Variants in MAN2A1 observed in about 807,000 individuals in gnomAD.
MAN2A1 encodes alpha-mannosidase 2.
A neutral mutation model predicts 142.6 loss-of-function variants in MAN2A1; 76 were observed. The ratio of observed to expected loss-of-function variants is 0.53; its 90% confidence interval spans 0.44 to 0.65. MAN2A1 has a LOEUF of 0.65. MAN2A1 is among the 30% of genes least tolerant of loss of function. The probability of loss-of-function intolerance (pLI) is 0.00; values close to 1 mark genes in which losing one functional copy is unlikely to be tolerated. For synonymous variants in MAN2A1, 559 were observed against 473.2 expected, an observed-to-expected ratio of 1.18 and a Z score of -2.35; for missense variants, 1,311 against 1,365.1, an observed-to-expected ratio of 0.96 and a Z score of 0.62.
chr5:109,735,032 C>A (rs1266921841), intron 4 of MAN2A1, among the ~76,000 whole-genome samples: 1 of 152,162 alleles, frequency 6.6e-6, no homozygotes, highest in Non-Finnish European at 1.5e-5. Flanking sequence ...TCACTCATGA[C>A]TTGCTTTGTG....
At chr5:109,814,081 C>T (rs544921068) in intron 12 of MAN2A1, among the ~76,000 whole-genome samples, 1 of 152,074 alleles carries the variant, frequency 6.6e-6, no homozygotes, top group Non-Finnish European at 1.5e-5. Context: ...CTGGACGTGA[C>T]TTGGTGACAG....
At chr5:109,841,176 T>G (rs1179568296) in intron 16 of MAN2A1, among the ~76,000 whole-genome samples, 3 of 152,156 alleles carry the variant, frequency 2.0e-5, no homozygotes, top group African/African-American at 7.2e-5. Flanking sequence ...GTTATTGGGG[T>G]ACAGGTGGTA....
chr5:109,799,752 C>T (rs1753964948), intron 12 of MAN2A1, among the ~76,000 whole-genome samples: 1 of 136,736 alleles, frequency 7.3e-6, no homozygotes, highest in African/African-American at 2.6e-5. Flanking sequence ...AAAACTCCGT[C>T]TCAAAAAAAA....
At chr5:109,801,685 C>T (rs1754036154) in intron 12 of MAN2A1, among the ~76,000 whole-genome samples, 1 of 152,078 alleles carries the variant, frequency 6.6e-6, no homozygotes, top group Non-Finnish European at 1.5e-5. Flanking sequence ...TCTGAATACT[C>T]TAGGAGCAGG....
At chr5:109,828,749 A>G (rs1182909342) in intron 16 of MAN2A1, among the ~76,000 whole-genome samples, 1 of 152,222 alleles carries the variant, frequency 6.6e-6, no homozygotes, top group Non-Finnish European at 1.5e-5. Context: ...AACATATTAT[A>G]AAGTATTATA....
intron 1 of MAN2A1, among the ~76,000 whole-genome samples, chr5:109,691,420 A>G (rs944001683): frequency 1.3e-5 from 2 of 152,214 alleles, no homozygotes; most frequent in Admixed American, 6.5e-5. Context: ...GGTATTGTGT[A>G]GTGTGTAGTG....
At chr5:109,714,720 G>A (rs1369537417) in intron 2 of MAN2A1, among the ~76,000 whole-genome samples, 2 of 152,136 alleles carry the variant, frequency 1.3e-5, no homozygotes, top group Admixed American at 1.3e-4. Context: ...CCTCGTTTTC[G>A]AATATGTACT....
chr5:109,804,995 T>C (rs368506788), intron 12 of MAN2A1, among the ~76,000 whole-genome samples: 3 of 152,210 alleles, frequency 2.0e-5, no homozygotes, highest in African/African-American at 7.2e-5. Context: ...GAAAATTACA[T>C]TTTGATTGAA....
rs1348091670 is a variant in MAN2A1, at chr5:109,770,340, G to T, written c.1010-15G>T. The T allele has an allele frequency of 6.2e-7, 1 of 1,605,720 alleles. No homozygotes were observed. The highest frequency in any genetic ancestry group is 1.7e-5 in the Admixed American group (1 of 58,662). On this transcript the variant is annotated splice_polypyrimidine_tract_variant and intron_variant, in intron 6 of 21. Transcript: ENST00000261483. ...TTTTATAAATGCAGGTTTGTGTGTTGGCTCTTTATTTTAGATCTGGGATCT... is the reference window on the plus strand; with the variant it reads ...TTTTATAAATGCAGGTTTGTGTGTTTGCTCTTTATTTTAGATCTGGGATCT...
chr5:109,751,250 A>G (rs1376797544), intron 4 of MAN2A1, among the ~76,000 whole-genome samples: 1 of 151,124 alleles, frequency 6.6e-6, no homozygotes, highest in Non-Finnish European at 1.5e-5. Context: ...AACATAGGAT[A>G]TTTGTCTTTC....
intron 1 of MAN2A1, among the ~76,000 whole-genome samples, chr5:109,702,793 A>G (rs1269145096): frequency 6.6e-6 from 1 of 152,166 alleles, no homozygotes; most frequent in African/African-American, 2.4e-5. Flanking sequence ...ATTTTTATGT[A>G]TTATGTTATG....
At chr5:109,826,381 T>A (rs1754760481) in intron 16 of MAN2A1, among the ~76,000 whole-genome samples, 1 of 152,168 alleles carries the variant, frequency 6.6e-6, no homozygotes, top group South Asian at 2.1e-4. Flanking sequence ...CCGTCATATA[T>A]AAACTGGACG....
At chr5:109,847,552 G>A (rs1274669254) in intron 18 of MAN2A1, 105 bp from the exon 19 acceptor site, 2 of 1,037,270 alleles carry the variant, frequency 1.9e-6, no homozygotes, top group African/African-American at 3.3e-5. Context: ...GACTAGAGAG[G>A]AAATTTAGAG....
At chr5:109,844,378 C>A (rs903605410) in intron 17 of MAN2A1, among the ~76,000 whole-genome samples, 8 of 152,096 alleles carry the variant, frequency 5.3e-5, no homozygotes, top group African/African-American at 1.9e-4. Context: ...GTAGCAACAA[C>A]ACGATTGTGG....
intron 5 of MAN2A1, among the ~76,000 whole-genome samples, chr5:109,759,947 CTATATA>C (rs141976116): frequency 0.079 from 8,221 of 104,030 alleles, 260 homozygotes; most frequent in East Asian, 0.13. Flanking sequence ...TGAATTGTTG[CTATATA>C]TATATATATA....
intron 16 of MAN2A1, among the ~76,000 whole-genome samples, chr5:109,839,773 A>G (rs1755152892): frequency 6.6e-6 from 1 of 151,770 alleles, no homozygotes; most frequent in Non-Finnish European, 1.5e-5. Flanking sequence ...GAAGAGCAGT[A>G]TATACCGGAA....
chr5:109,819,990 G>GT (rs1159901164), intron 14 of MAN2A1, 103 bp downstream of exon 14: 3 of 890,148 alleles, frequency 3.4e-6, no homozygotes, highest in Admixed American at 2.4e-5. Flanking sequence ...AAGTAGAGCT[G>GT]TATCAAATAC....
At chr5:109,841,352 A>G (rs974724828) in intron 16 of MAN2A1, among the ~76,000 whole-genome samples, 1 of 152,072 alleles carries the variant, frequency 6.6e-6, no homozygotes, top group African/African-American at 2.4e-5. Context: ...ATGCCTTTGC[A>G]TCCTCATAGC....
intron 12 of MAN2A1, among the ~76,000 whole-genome samples, chr5:109,792,580 T>C (rs952219999): frequency 1.3e-5 from 2 of 152,138 alleles, no homozygotes; most frequent in African/African-American, 4.8e-5. Context: ...TAGTAGACTA[T>C]TGCCTAACAA....
Sources: allele counts gnomAD v4.1 joint callset (sites outside exome capture counted in the v4.1 genomes callset), GRCh38; gene constraint gnomAD v4.1.1; transcripts MANE v1.5; gene names NCBI Gene and HGNC (gene_info 2026-07-23, HGNC 2026-07-21).